The following RNF175 variants were observed in gnomAD, a reference collection of about 807,000 sequenced individuals.
RNF175 encodes the protein ring finger protein 175.
RNF175 carries 38 observed loss-of-function variants against 50.0 expected under a neutral mutation model. That is an observed-to-expected ratio of 0.76 (90% CI 0.59 to 1.00). RNF175 has a LOEUF of 1.00. Among genes scored for constraint, RNF175 ranks in the 50% least tolerant of loss-of-function variants. The pLI is 0.00. For missense variants in RNF175, 388 were observed against 409.6 expected, an observed-to-expected ratio of 0.95 and a Z score of 0.46; for synonymous variants, 155 against 146.1, an observed-to-expected ratio of 1.06 and a Z score of -0.44.
intron 4 of RNF175, among the ~76,000 whole-genome samples, chr4:153,723,756 G>T (rs1246781221): frequency 6.6e-6 from 1 of 152,070 alleles, no homozygotes; most frequent in African/African-American, 2.4e-5. Flanking sequence ...TACTCTTCCT[G>T]GGACCCTGCC....
chr4:153,731,545 A>G (rs1478661342), intron 3 of RNF175, among the ~76,000 whole-genome samples: 1 of 152,196 alleles, frequency 6.6e-6, no homozygotes, highest in Admixed American at 6.5e-5. Flanking sequence ...GTTGCCATGC[A>G]CATAATGAAT....
At chr4:153,745,132 C>T (rs558848566) in intron 3 of RNF175, among the ~76,000 whole-genome samples, 1 of 152,174 alleles carries the variant, frequency 6.6e-6, no homozygotes, top group African/African-American at 2.4e-5. Context: ...AACTGAGGAC[C>T]TTTTCCCTTT....
intron 3 of RNF175, among the ~76,000 whole-genome samples, chr4:153,747,171 T>G (rs1402671723): frequency 6.6e-6 from 1 of 152,244 alleles, no homozygotes; most frequent in Non-Finnish European, 1.5e-5. Context: ...TACTTGCACC[T>G]GGCTTCCTTC....
intron 3 of RNF175, among the ~76,000 whole-genome samples, chr4:153,737,966 T>A (rs937430534): frequency 2.0e-5 from 3 of 152,254 alleles, no homozygotes; most frequent in African/African-American, 7.2e-5. Flanking sequence ...TTGTCTCACA[T>A]ATTTTGATGC....
Position 153,715,098 on chromosome 4 carries a change from T to A in RNF175, c.764+431A>T, listed in dbSNP as rs114843001. 6.3e-3 allele frequency: 1,452 copies of A among 230,104 alleles called. 16 individuals are homozygous for A. Among genetic ancestry groups the A allele is most frequent in the African/African-American group, 0.031 (1,386 of 44,200 alleles). 14.3% of individuals were successfully genotyped at this position (230,104 alleles called of 1,614,324 possible). A position where few individuals can be genotyped will look rare whatever the true frequency, so the allele number is the denominator to read the frequency against. On this transcript the variant is annotated intron_variant, in intron 7 of 8. Coordinates refer to ENST00000347063, the MANE Select transcript of RNF175 (RefSeq NM_173662.4). ...TTTCTAGGCAAAGCACTCTTTGTAT[T>A]TCTTGATCTGCTAAGATTCAGACCT...
intron 3 of RNF175, among the ~76,000 whole-genome samples, chr4:153,744,747 C>G (rs529771026): frequency 1.4e-4 from 21 of 152,236 alleles, no homozygotes; most frequent in African/African-American, 4.6e-4. Context: ...AAGAACTTTT[C>G]TTTGATATGA....
At chr4:153,727,254 T>C (rs558228659) in intron 4 of RNF175, among the ~76,000 whole-genome samples, 133 of 152,276 alleles carry the variant, frequency 8.7e-4, no homozygotes, top group Non-Finnish European at 1.6e-3. Context: ...AGATCCCAAA[T>C]TGGCCAGTTT....
intron 1 of RNF175, among the ~76,000 whole-genome samples, chr4:153,756,111 G>A (rs1359120216): frequency 6.6e-6 from 1 of 152,120 alleles, no homozygotes; most frequent in Non-Finnish European, 1.5e-5. Flanking sequence ...TACATTAAGT[G>A]TATTCTACAT....
At chr4:153,715,117 C>T (rs1737821885) in intron 7 of RNF175, 2 of 274,036 alleles carry the variant, frequency 7.3e-6, no homozygotes, top group Non-Finnish European at 1.5e-5. Context: ...TGCTAAGATT[C>T]AGACCTTGGG....
At chr4:153,750,811 T>C (rs1299000304) in intron 2 of RNF175, among the ~76,000 whole-genome samples, 2 of 151,906 alleles carry the variant, frequency 1.3e-5, no homozygotes, top group Admixed American at 6.6e-5. Flanking sequence ...TTACGGCATA[T>C]AGATAAAAGA....
In RNF175 at chr4:153,715,576, A is replaced by G. The variant is rs562485722; in HGVS notation, c.717T>C (p.Asp239=). 3.7e-6 allele frequency: 6 copies of G among 1,612,942 alleles called. No homozygotes were observed. The highest frequency in any genetic ancestry group is 4.2e-6 in the Non-Finnish European group (5 of 1,179,460). ...AGGTGTTTTCAATGAGCCCTTCTTC[A>G]TCAAGCTCCACAATGATCTTCTGCC... ...VCGQKIIVEL[D]EEGLIENTYQ... is the part of the protein sequence containing the mutation. The change falls in exon 7 of 9, where the codon GAT becomes GAC. Residue 239 remains aspartate (D), a synonymous_variant. Transcript: ENST00000347063.
intron 3 of RNF175, among the ~76,000 whole-genome samples, chr4:153,733,834 T>C (rs1307275632): frequency 1.3e-5 from 2 of 152,218 alleles, no homozygotes; most frequent in African/African-American, 4.8e-5. Context: ...TTACACAAAT[T>C]AATTTTACTA....
intron 3 of RNF175, among the ~76,000 whole-genome samples, chr4:153,742,475 G>A (rs754587563): frequency 2.0e-5 from 3 of 152,130 alleles, no homozygotes; most frequent in Non-Finnish European, 4.4e-5. Context: ...ATATGATTAC[G>A]TTTGCACAAA....
intron 2 of RNF175, among the ~76,000 whole-genome samples, chr4:153,750,878 T>TTATGAGATTAATCTATTAATCCGTTA (rs1740257806): frequency 6.6e-6 from 1 of 151,334 alleles, no homozygotes; most frequent in Non-Finnish European, 1.5e-5. Flanking sequence ...AAAATATGCT[T>TTATGAGATTAATCTATTAATCCGTTA]TATGAGATTA....
chr4:153,730,466 T>G (rs1442747496), intron 3 of RNF175, among the ~76,000 whole-genome samples: 1 of 152,094 alleles, frequency 6.6e-6, no homozygotes, highest in Non-Finnish European at 1.5e-5. Flanking sequence ...ACAAAAATCT[T>G]ATCAGCATAT....
Position 153,710,410 on chromosome 4 carries a change from C to G in RNF175, c.946G>C (p.Gly316Arg). ...YLVAWQPVVI[G>R]IVQGIIYSLG... ...GAATAGATAATGCCTTGAACTATTC[C>G]TATCACCACAGGTTGCCAGGCCACC... The change falls in exon 9 of 9, where the codon GGA becomes CGA. Residue 316 changes from glycine to arginine, a missense_variant. Physicochemically the swap from Gly to Arg is moderately radical, Grantham distance 125. Transcript: ENST00000347063. 4 of 1,573,584 alleles carry G rather than the reference C, an allele frequency of 2.5e-6. No homozygotes were observed. Among genetic ancestry groups the G allele is most frequent in the Non-Finnish European group, 3.5e-6 (4 of 1,157,468 alleles).
intron 5 of RNF175, among the ~76,000 whole-genome samples, chr4:153,722,032 T>A (rs1056949914): frequency 6.6e-5 from 10 of 152,248 alleles, no homozygotes; most frequent in African/African-American, 2.4e-4. Flanking sequence ...ACTCTCCATC[T>A]GATTGCCTTC....
intron 6 of RNF175, among the ~76,000 whole-genome samples, chr4:153,716,979 G>A (rs547438054): frequency 2.6e-5 from 4 of 152,278 alleles, no homozygotes; most frequent in Non-Finnish European, 5.9e-5. Flanking sequence ...GGGTATCATA[G>A]CCTAGGCAAA....
intron 3 of RNF175, among the ~76,000 whole-genome samples, chr4:153,739,414 CAAAAT>C (rs1739529749): frequency 6.6e-6 from 1 of 151,760 alleles, no homozygotes; most frequent in East Asian, 1.9e-4. Flanking sequence ...GACTCTGTCT[CAAAAT>C]AAAAAATAAA....
Sources: gnomAD v4.1 joint callset for allele counts (sites outside exome capture counted in the v4.1 genomes callset) on GRCh38, gnomAD v4.1.1 for gene constraint, MANE v1.5 for transcripts, NCBI Gene and HGNC (gene_info 2026-07-23, HGNC 2026-07-21) for gene names.